The following ZNF438 variants were observed in gnomAD, a reference collection of about 807,000 sequenced individuals.
ZNF438 encodes the protein zinc finger protein 438.
ZNF438 carries 25 observed loss-of-function variants against 38.0 expected under a neutral mutation model. That is an observed-to-expected ratio of 0.66 (90% CI 0.48 to 0.92). The LOEUF (loss-of-function observed/expected upper bound fraction) is 0.92. Ranked by LOEUF, ZNF438 falls within the 40% of genes least tolerant of loss-of-function variation. The pLI is 0.00. For missense variants in ZNF438, 1,007 were observed against 999.6 expected, an observed-to-expected ratio of 1.01 and a Z score of -0.10; for synonymous variants, 372 against 364.1, an observed-to-expected ratio of 1.02 and a Z score of -0.25.
intron 3 of ZNF438, among the ~76,000 whole-genome samples, chr10:30,902,615 G>A (rs970890393): frequency 1.2e-4 from 18 of 152,132 alleles, no homozygotes; most frequent in Non-Finnish European, 2.4e-4. Flanking sequence ...AGATTAGCTA[G>A]ACACAGAGCG....
intron 1 of ZNF438, among the ~76,000 whole-genome samples, chr10:31,012,116 C>A (rs1463507621): frequency 7.3e-6 from 1 of 137,790 alleles, no homozygotes; most frequent in African/African-American, 2.6e-5. Flanking sequence ...ATCTCATTTT[C>A]TTTTTTTTTT....
chr10:30,875,377 T>C (rs1165763441), intron 4 of ZNF438: 1 of 984,044 alleles, frequency 1.0e-6, no homozygotes, highest in African/African-American at 1.7e-5. Flanking sequence ...GATTTTTCAA[T>C]GAGAAAACTG....
chr10:30,910,704 C>G (rs1349528918), intron 2 of ZNF438, among the ~76,000 whole-genome samples: 1 of 125,508 alleles, frequency 8.0e-6, no homozygotes, highest in Non-Finnish European at 1.7e-5. Flanking sequence ...AAAAAAAAAG[C>G]CGCCTATATT....
At chr10:30,857,653 A>T in intron 4 of ZNF438, 1 of 1,478,436 alleles carries the variant, frequency 6.8e-7, no homozygotes, top group Non-Finnish European at 9.2e-7. Context: ...GCAAAAGCAT[A>T]TTTTTATATT....
intron 1 of ZNF438, among the ~76,000 whole-genome samples, chr10:31,008,763 A>C (rs1488614441): frequency 6.6e-6 from 1 of 152,190 alleles, no homozygotes; most frequent in African/African-American, 2.4e-5. Flanking sequence ...GTATGTAGGT[A>C]TGTTTTCATT....
chr10:30,903,049 C>T (rs2042210031), intron 3 of ZNF438, among the ~76,000 whole-genome samples: 1 of 152,210 alleles, frequency 6.6e-6, no homozygotes, highest in African/African-American at 2.4e-5. Flanking sequence ...GTCCTAATCC[C>T]CTCACTGCCT....
intron 1 of ZNF438, among the ~76,000 whole-genome samples, chr10:30,990,413 T>G (rs2053356352): frequency 6.6e-6 from 1 of 152,172 alleles, no homozygotes; most frequent in Non-Finnish European, 1.5e-5. Flanking sequence ...ACATTGACAG[T>G]AGGTTATCCA....
rs115430841 is a variant in ZNF438 at position 30,892,613 on chromosome 10, G to C, written c.-31-15548C>G. 3.4e-3 allele frequency among the ~76,000 whole-genome samples: 516 copies of C among 150,876 alleles called. 5 individuals are homozygous for C. Among genetic ancestry groups the C allele is most frequent in the African/African-American group, 0.012 (478 of 41,040 alleles). On this transcript the variant is annotated intron_variant, in intron 3 of 5. Transcript: ENST00000413025. ...AAAAAAGTTCAAGCACTAAAAAAAA[G>C]AGAATAAATTGAAAAATAAGTCTCC...
At chr10:30,968,429 G>A (rs1368898260) in intron 1 of ZNF438, among the ~76,000 whole-genome samples, 2 of 138,158 alleles carry the variant, frequency 1.4e-5, no homozygotes, top group Non-Finnish European at 3.1e-5. Context: ...TTAACTGAAT[G>A]TAAACTTTTT....
At chr10:30,953,641 A>AT (rs2048505296) in intron 1 of ZNF438, among the ~76,000 whole-genome samples, 1 of 118,322 alleles carries the variant, frequency 8.5e-6, no homozygotes, top group Admixed American at 9.1e-5. Context: ...TATAATAATA[A>AT]AAAAAAAAAC....
intron 1 of ZNF438, among the ~76,000 whole-genome samples, chr10:31,002,095 G>C (rs538916773): frequency 1.3e-5 from 2 of 152,208 alleles, no homozygotes; most frequent in African/African-American, 4.8e-5. Context: ...GCTGGGAGTA[G>C]CACAAGAAAC....
rs2056929056 is a variant in ZNF438 at position 31,026,211 on chromosome 10, A to G, written c.-192+5622T>C. Reference sequence around the variant, plus strand: ...CTTCATGTCTAAAACACCAAAAGCAATGGCAACAAAAGCCAAAACTGACAA... The same window carrying G: ...CTTCATGTCTAAAACACCAAAAGCAGTGGCAACAAAAGCCAAAACTGACAA... On this transcript the variant is annotated intron_variant, in intron 1 of 5. Coordinates refer to ENST00000413025, the Ensembl canonical transcript of ZNF438. 3.9e-5 allele frequency among the ~76,000 whole-genome samples: 6 copies of G among 152,340 alleles called. No homozygotes were observed. The South Asian group carries it at 1.2e-3, about 32-fold the overall frequency.
chr10:30,896,295 C>CAAAAAAAA (rs56673889), intron 3 of ZNF438, among the ~76,000 whole-genome samples: 1 of 107,044 alleles, frequency 9.3e-6, no homozygotes, highest in Non-Finnish European at 1.9e-5. Context: ...GACTCCATCT[C>CAAAAAAAA]AAAAAAAAAA....
In ZNF438 at chr10:31,007,913, A is replaced by AG. The variant is rs201816335; in HGVS notation, c.-192+23919dup. ...CTCAGCTCTCTCATAAAGCAAAATG[A>AG]GGGGGGACTAGATGACTTCTGAAGT... On this transcript the variant is annotated intron_variant, in intron 1 of 5. Coordinates refer to ENST00000413025, the Ensembl canonical transcript of ZNF438. 3.5e-4 allele frequency among the ~76,000 whole-genome samples: 54 copies of AG among 152,298 alleles called. No individual in the cohort carries two copies. In the East Asian group the frequency reaches 0.01, roughly 29 times the overall value.
intron 1 of ZNF438, among the ~76,000 whole-genome samples, chr10:30,977,815 T>G (rs971118894): frequency 4.6e-5 from 7 of 151,882 alleles, no homozygotes; most frequent in Non-Finnish European, 7.4e-5. Flanking sequence ...AAACCCCATT[T>G]CTACTAAAAA....
intron 4 of ZNF438, among the ~76,000 whole-genome samples, chr10:30,870,085 G>C (rs1213520000): frequency 1.3e-5 from 2 of 152,140 alleles, no homozygotes; most frequent in Admixed American, 1.3e-4. Flanking sequence ...CATTTTATCT[G>C]AGAAAAACGT....
At chr10:30,961,311 G>T in intron 1 of ZNF438, among the ~76,000 whole-genome samples, 1 of 140,292 alleles carries the variant, frequency 7.1e-6, no homozygotes, top group Non-Finnish European at 1.6e-5. Flanking sequence ...TAGAAATGAG[G>T]TCTCGCTATG....
intron 3 of ZNF438, among the ~76,000 whole-genome samples, chr10:30,884,167 A>G (rs1202865779): frequency 6.6e-6 from 1 of 152,158 alleles, no homozygotes; most frequent in Admixed American, 6.5e-5. Context: ...TGTATTCCTA[A>G]TATCTTGGTA....
At chr10:30,866,747 T>C (rs1564522193) in intron 4 of ZNF438, among the ~76,000 whole-genome samples, 2 of 151,484 alleles carry the variant, frequency 1.3e-5, no homozygotes, top group Non-Finnish European at 1.5e-5. Flanking sequence ...GGCAGGAGAA[T>C]GGCATGAACC....
Sources: allele counts gnomAD v4.1 joint callset (sites outside exome capture counted in the v4.1 genomes callset), GRCh38; gene constraint gnomAD v4.1.1; transcripts MANE v1.5; gene names NCBI Gene and HGNC (gene_info 2026-07-23, HGNC 2026-07-21).